The following SLC6A6 variants were observed in gnomAD, a reference collection of about 807,000 sequenced individuals.
The protein encoded by SLC6A6 is solute carrier family 6 member 6.
Under a neutral mutation model 68.8 loss-of-function variants are expected in SLC6A6, and 16 were observed. The ratio of observed to expected loss-of-function variants is 0.23; its 90% CI spans 0.16 to 0.35. The LOEUF is 0.35. SLC6A6 is among the 10% of genes least tolerant of loss of function. The probability of loss-of-function intolerance (pLI) is 1.00; values close to 1 mark genes in which losing one functional copy is unlikely to be tolerated. For synonymous variants in SLC6A6, 312 were observed against 315.4 expected (o/e 0.99, Z 0.12); for missense variants, 474 against 802.8 (o/e 0.59, Z 4.95).
intron 5 of SLC6A6, among the ~76,000 whole-genome samples, 186 bp from the exon 6 acceptor site, chr3:14,457,764 C>G (rs560928917): frequency 1.3e-5 from 2 of 152,314 alleles, no homozygotes; most frequent in South Asian, 4.1e-4. Context: ...CTATCCTTTT[C>G]TTTTCTTTCC....
intron 2 of SLC6A6, among the ~76,000 whole-genome samples, chr3:14,421,457 C>T (rs904420730): frequency 1.4e-4 from 22 of 152,164 alleles, no homozygotes; most frequent in African/African-American, 5.3e-4. Context: ...TGTAGAAGCT[C>T]CCTTCTCTGG....
chr3:14,439,882 C>T (rs1282278675), intron 2 of SLC6A6, among the ~76,000 whole-genome samples: 1 of 152,144 alleles, frequency 6.6e-6, no homozygotes. Flanking sequence ...ACAGTGGAGG[C>T]TAAGCTCCTA....
chr3:14,433,802 C>CAAAAA (rs67806643), intron 2 of SLC6A6, among the ~76,000 whole-genome samples: 3 of 77,506 alleles, frequency 3.9e-5, no homozygotes, highest in Admixed American at 1.3e-4. Flanking sequence ...GACTCTGTCT[C>CAAAAA]AAAAAAAAAA....
chr3:14,445,560 G>A (rs565041432), intron 3 of SLC6A6, among the ~76,000 whole-genome samples, 157 bp from the exon 4 acceptor site: 33 of 152,334 alleles, frequency 2.2e-4, no homozygotes, highest in African/African-American at 7.9e-4. Context: ...AGGTGGGCAG[G>A]GCCTGGAGCA....
At chr3:14,419,954 A>G (rs1310804059) in intron 2 of SLC6A6, among the ~76,000 whole-genome samples, 1 of 152,142 alleles carries the variant, frequency 6.6e-6, no homozygotes, top group Admixed American at 6.5e-5. Context: ...GTCTGCCCCC[A>G]TGCCCCGCAC....
intron 6 of SLC6A6, 64 bp downstream of exon 6, chr3:14,458,146 C>G (rs940107066): frequency 5.4e-6 from 8 of 1,475,066 alleles, no homozygotes; most frequent in South Asian, 3.4e-5. Context: ...CCCTCTCCCC[C>G]ACTTCCCGCC....
intron 9 of SLC6A6, among the ~76,000 whole-genome samples, chr3:14,471,130 C>CTTTTTTTTTTT (rs754511089): frequency 3.6e-5 from 3 of 83,116 alleles, no homozygotes; most frequent in East Asian, 3.4e-4. Flanking sequence ...TGCTTCTTGA[C>CTTTTTTTTTTT]TTTTTTTTTT....
At chr3:14,466,265 TA>T (rs11310077) in intron 6 of SLC6A6, among the ~76,000 whole-genome samples, 18,341 of 110,154 alleles carry the variant, frequency 0.17, 1,454 homozygotes, top group East Asian at 0.39. Flanking sequence ...GTCTCAAATT[TA>T]AAAAAAAAAA....
At chr3:14,456,806 A>T (rs1700377563) in intron 5 of SLC6A6, among the ~76,000 whole-genome samples, 1 of 152,010 alleles carries the variant, frequency 6.6e-6, no homozygotes, top group Non-Finnish European at 1.5e-5. Context: ...CAGGGAGCTG[A>T]CTCCCATTAG....
At chr3:14,414,185 A>G (rs1005916763) in intron 1 of SLC6A6, among the ~76,000 whole-genome samples, 3 of 152,156 alleles carry the variant, frequency 2.0e-5, no homozygotes, top group East Asian at 3.9e-4. Context: ...TGGATGCCCT[A>G]GCTGCTCACC....
At position 14,437,945 on chromosome 3, in the gene SLC6A6, A is replaced by G. The variant is rs149034984; in HGVS notation, c.-11-5679A>G. Among the ~76,000 whole-genome samples the G allele has an allele frequency of 5.5e-3, 834 of 150,714 alleles. 9 individuals carry two copies. The highest frequency in any genetic ancestry group is 9.6e-3 in the Non-Finnish European group (652 of 67,808). ...CGGATTCCAGCGATTCTTCTGCCGTAGCTTCTTGAGTAGCTGGGATTACAG... is the reference window on the plus strand; with the variant it reads ...CGGATTCCAGCGATTCTTCTGCCGTGGCTTCTTGAGTAGCTGGGATTACAG... On this transcript the variant is annotated intron_variant, in intron 2 of 14. Transcript: ENST00000622186.
chr3:14,441,079 G>C (rs1699972440), intron 2 of SLC6A6, among the ~76,000 whole-genome samples: 1 of 152,164 alleles, frequency 6.6e-6, no homozygotes, highest in Admixed American at 6.5e-5. Context: ...TGTTTCTAGA[G>C]GGTTCTCGAA....
At chr3:14,411,587 C>T (rs151180830) in intron 1 of SLC6A6, among the ~76,000 whole-genome samples, 6 of 152,328 alleles carry the variant, frequency 3.9e-5, no homozygotes, top group African/African-American at 1.4e-4. Context: ...ATGCACTTGA[C>T]TGGGGACACA....
intron 2 of SLC6A6, among the ~76,000 whole-genome samples, chr3:14,429,854 C>G (rs1177122049): frequency 6.6e-6 from 1 of 152,236 alleles, no homozygotes; most frequent in Non-Finnish European, 1.5e-5. Context: ...GGCCCGCTTA[C>G]AGGTCAAGAA....
chr3:14,420,447 T>TGG (rs1044261114), intron 2 of SLC6A6, among the ~76,000 whole-genome samples: 1 of 151,550 alleles, frequency 6.6e-6, no homozygotes, highest in African/African-American at 2.4e-5. Context: ...CCCATAGTGA[T>TGG]GGGAAATTGG....
At chr3:14,483,348 A>T (rs540021155) in intron 14 of SLC6A6, among the ~76,000 whole-genome samples, 1 of 152,328 alleles carries the variant, frequency 6.6e-6, no homozygotes, top group East Asian at 1.9e-4. Flanking sequence ...TCCCACCTGC[A>T]CAAGTCATCA....
chr3:14,417,548 G>T (rs373175042), intron 2 of SLC6A6, among the ~76,000 whole-genome samples: 1 of 151,974 alleles, frequency 6.6e-6, no homozygotes, highest in African/African-American at 2.4e-5. Flanking sequence ...TGGCTAACAC[G>T]GTGAAACCCT....
rs1228318382 is a variant in SLC6A6 at position 14,484,944 on chromosome 3, T to G, written c.1800T>G (p.Ser600=). 17 of 1,612,864 alleles carry G rather than the reference T, an allele frequency of 1.1e-5. No individual in the cohort carries two copies. Among genetic ancestry groups the G allele is most frequent in the African/African-American group, 1.3e-5 (1 of 74,950 alleles). ...GCGAGGGAGCCACACCTTACAACTCTCGCACCGTCATGAACGGCGCTCTCG... is the reference window on the plus strand; with the variant it reads ...GCGAGGGAGCCACACCTTACAACTCGCGCACCGTCATGAACGGCGCTCTCG... ...VEREGATPYN[S]RTVMNGALVK... Residue 600 remains serine (S), a synonymous_variant, in exon 15 of 15, where the codon TCT becomes TCG. Coordinates refer to ENST00000622186, the MANE Select transcript of SLC6A6 (RefSeq NM_003043.6).
At position 14,460,111 on chromosome 3, in the gene SLC6A6, C is replaced by T. The variant is rs139234705; in HGVS notation, c.732+2029C>T. On this transcript the variant is annotated intron_variant, in intron 6 of 14. Transcript: ENST00000622186. ...CAGAAGTGAGAAAGTTTCTGTGGAG[C>T]ACTGGTCCTGAGCAGTGCTAGAGAC... 7.8e-4 allele frequency among the ~76,000 whole-genome samples: 118 copies of T among 152,116 alleles called. 1 individual carries two copies. In the East Asian group the frequency reaches 0.02, roughly 26 times the overall value.
Sources: gnomAD v4.1 joint callset for allele counts (sites outside exome capture counted in the v4.1 genomes callset) on GRCh38, gnomAD v4.1.1 for gene constraint, MANE v1.5 for transcripts, NCBI Gene and HGNC (gene_info 2026-07-23, HGNC 2026-07-21) for gene names.